The following DLGAP1 variants were observed in gnomAD, a reference collection of about 807,000 sequenced individuals.
DLGAP1 encodes DLG associated protein 1.
Under a neutral mutation model 90.8 loss-of-function variants are expected in DLGAP1, and 11 were observed. The ratio of observed to expected loss-of-function variants is 0.12; its 90% CI spans 0.08 to 0.20. The LOEUF (loss-of-function observed/expected upper bound fraction) is 0.20, where lower values mean the gene tolerates loss of function less well. Ranked by LOEUF, DLGAP1 falls within the 10% of genes least tolerant of loss-of-function variation. The pLI is 1.00. For synonymous variants in DLGAP1, 558 were observed against 540.7 expected (o/e 1.03, Z -0.44); for missense variants, 1,050 against 1,333.8 (o/e 0.79, Z 3.31).
intron 3 of DLGAP1, among the ~76,000 whole-genome samples, chr18:3,975,572 G>T (rs1200963746): frequency 6.6e-6 from 1 of 151,904 alleles, no homozygotes; most frequent in Non-Finnish European, 1.5e-5. Flanking sequence ...TCCCACTATG[G>T]GTATATACTG....
At chr18:3,608,842 CTT>C (rs1245642030) in intron 7 of DLGAP1, among the ~76,000 whole-genome samples, 3 of 151,984 alleles carry the variant, frequency 2.0e-5, no homozygotes, top group African/African-American at 4.8e-5. Flanking sequence ...AAGTCTGAAA[CTT>C]TTCATTTTTT....
chr18:4,294,891 C>T (rs1335046018), intron 1 of DLGAP1: 1 of 152,246 alleles, frequency 6.6e-6, no homozygotes, highest in Non-Finnish European at 1.5e-5. Context: ...CTTGGCCATC[C>T]ACTGGCTGAT....
intron 2 of DLGAP1, among the ~76,000 whole-genome samples, chr18:4,107,674 G>A (rs931202899): frequency 6.6e-6 from 1 of 151,876 alleles, no homozygotes; most frequent in African/African-American, 2.4e-5. Context: ...TCTTAACAAA[G>A]CTGTTAAAAA....
chr18:4,396,990 G>A (rs1465214624), intron 1 of DLGAP1, among the ~76,000 whole-genome samples: 1 of 152,158 alleles, frequency 6.6e-6, no homozygotes, highest in Non-Finnish European at 1.5e-5. Context: ...GAGCCAAAAG[G>A]TAACAACATG....
intron 1 of DLGAP1, among the ~76,000 whole-genome samples, chr18:4,317,325 T>C (rs1162553708): frequency 6.6e-6 from 1 of 152,224 alleles, no homozygotes; most frequent in African/African-American, 2.4e-5. Flanking sequence ...AAATGATATG[T>C]TCTGCTCACT....
At chr18:3,664,540 A>G (rs934089154) in intron 7 of DLGAP1, among the ~76,000 whole-genome samples, 32 of 152,174 alleles carry the variant, frequency 2.1e-4, no homozygotes, top group African/African-American at 7.5e-4. Context: ...AGCACGTGCC[A>G]TCCCTCACCC....
At chr18:4,409,243 A>G (rs965005873) in intron 1 of DLGAP1, among the ~76,000 whole-genome samples, 3 of 152,180 alleles carry the variant, frequency 2.0e-5, no homozygotes, top group Non-Finnish European at 4.4e-5. Context: ...GATGCTGAAA[A>G]GAGAATGATA....
chr18:3,763,728 A>G (rs1193436033), intron 5 of DLGAP1, among the ~76,000 whole-genome samples: 2 of 149,460 alleles, frequency 1.3e-5, no homozygotes, highest in Non-Finnish European at 3.0e-5. Flanking sequence ...CAATGGCGTG[A>G]TCTCGTCTCA....
chr18:4,235,754 C>T (rs1365504009), intron 1 of DLGAP1, among the ~76,000 whole-genome samples: 36 of 104,638 alleles, frequency 3.4e-4, no homozygotes, highest in Non-Finnish European at 1.0e-4. Context: ...GAGACGGAGT[C>T]TCACTCTGTT....
intron 1 of DLGAP1, among the ~76,000 whole-genome samples, chr18:4,285,543 A>G (rs1322767714): frequency 6.6e-6 from 1 of 152,228 alleles, no homozygotes; most frequent in African/African-American, 2.4e-5. Flanking sequence ...GCCAAATTCA[A>G]TTTAAAGAAG....
At chr18:3,956,417 T>C (rs1453544406) in intron 3 of DLGAP1, among the ~76,000 whole-genome samples, 1 of 151,632 alleles carries the variant, frequency 6.6e-6, no homozygotes, top group Non-Finnish European at 1.5e-5. Flanking sequence ...TGGCGTGATC[T>C]GGCTCACTGC....
intron 10 of DLGAP1, among the ~76,000 whole-genome samples, chr18:3,532,664 A>G (rs2052090149): frequency 6.6e-6 from 1 of 152,206 alleles, no homozygotes; most frequent in South Asian, 2.1e-4. Flanking sequence ...GTTACTTCAT[A>G]GCAATACTCT....
chr18:3,811,719 G>T (rs2066853519), intron 5 of DLGAP1, among the ~76,000 whole-genome samples: 1 of 152,172 alleles, frequency 6.6e-6, no homozygotes, highest in African/African-American at 2.4e-5. Flanking sequence ...ATATATGGTG[G>T]TCACAAAAAT....
intron 10 of DLGAP1, among the ~76,000 whole-genome samples, chr18:3,525,989 G>A (rs2144296632): frequency 6.6e-6 from 1 of 152,292 alleles, no homozygotes; most frequent in South Asian, 2.1e-4. Flanking sequence ...GGCATGAATG[G>A]AGCATTCTCA....
intron 1 of DLGAP1, among the ~76,000 whole-genome samples, chr18:4,423,107 T>TA (rs2083077771): frequency 6.6e-6 from 1 of 152,118 alleles, no homozygotes; most frequent in Non-Finnish European, 1.5e-5. Context: ...AGCTCAAACC[T>TA]AAAAAAATTC....
chr18:3,814,324 T>C (rs774589948), intron 4 of DLGAP1, 51 bp from the exon 5 acceptor site: 2 of 1,516,642 alleles, frequency 1.3e-6, no homozygotes, highest in Non-Finnish European at 1.8e-6. Flanking sequence ...CCTACCTTTT[T>C]CTTTTCTTTT....
chr18:3,537,185 C>T (rs1722327863), intron 9 of DLGAP1, among the ~76,000 whole-genome samples: 1 of 152,138 alleles, frequency 6.6e-6, no homozygotes, highest in African/African-American at 2.4e-5. Context: ...CATGTGCAAC[C>T]ATCGCCACCA....
At chr18:3,934,266 A>C (rs1013306857) in intron 3 of DLGAP1, among the ~76,000 whole-genome samples, 1 of 152,220 alleles carries the variant, frequency 6.6e-6, no homozygotes, top group Non-Finnish European at 1.5e-5. Flanking sequence ...TCTAGTTCTG[A>C]AAAGAATGCT....
intron 8 of DLGAP1, among the ~76,000 whole-genome samples, chr18:3,573,450 C>T (rs1170710506): frequency 1.3e-5 from 2 of 152,058 alleles, no homozygotes. Context: ...TACAGTGAGC[C>T]TAGATCATAC....
Sources: gnomAD v4.1 joint callset for allele counts (sites outside exome capture counted in the v4.1 genomes callset) on GRCh38, gnomAD v4.1.1 for gene constraint, MANE v1.5 for transcripts, NCBI Gene and HGNC (gene_info 2026-07-23, HGNC 2026-07-21) for gene names.